Variants in RPS6KC1 observed in about 807,000 individuals in gnomAD.
The protein encoded by RPS6KC1 is inactive ribosomal protein S6 kinase delta-1.
RPS6KC1 carries 54 observed loss-of-function variants against 103.8 expected under a neutral mutation model. The observed-to-expected ratio is 0.52, with a 90% confidence interval of 0.42 to 0.65. The LOEUF (loss-of-function observed/expected upper bound fraction) is 0.65. RPS6KC1 is among the 30% of genes least tolerant of loss of function. The pLI is 0.00. For synonymous variants in RPS6KC1, 439 were observed against 438.7 expected (o/e 1.00, Z -0.01); for missense variants, 1,151 against 1,253.8 (o/e 0.92, Z 1.24).
chr1:213,754,116 C>A, the RPS6KC1 span, among the ~76,000 whole-genome samples: 138 of 152,264 alleles, frequency 9.1e-4, no homozygotes, highest in Admixed American at 1.2e-3. Context: ...GCTCAGGCTG[C>A]GGAAACAAAA....
chr1:213,530,011 C>T, the RPS6KC1 span, among the ~76,000 whole-genome samples: 178 of 145,974 alleles, frequency 1.2e-3, 2 homozygotes, highest in African/African-American at 4.2e-3. Flanking sequence ...ACAGCCCCTA[C>T]GAGAATTTTC....
chr1:213,581,207 G>A, the RPS6KC1 span, among the ~76,000 whole-genome samples: 1 of 152,006 alleles, frequency 6.6e-6, no homozygotes, highest in Non-Finnish European at 1.5e-5. Context: ...ACCAGTGACT[G>A]TAGTCCAACT....
the RPS6KC1 span, among the ~76,000 whole-genome samples, chr1:213,377,345 A>G: frequency 2.0e-5 from 3 of 152,138 alleles, no homozygotes; most frequent in Admixed American, 2.0e-4. Flanking sequence ...CTTCCCATCG[A>G]TTTGATCTTT....
the RPS6KC1 span, among the ~76,000 whole-genome samples, chr1:213,484,817 G>A: frequency 1.3e-5 from 2 of 152,146 alleles, no homozygotes; most frequent in African/African-American, 4.8e-5. Flanking sequence ...ACAGCAAATG[G>A]AGAAGTGAGC....
chr1:213,272,751 C>A lies in RPS6KC1; in HGVS notation c.*117C>A, dbSNP rs959429397. 1.4e-6 allele frequency: 1 copy of A among 694,970 alleles called. No individual in the cohort carries two copies. Among genetic ancestry groups the A allele is most frequent in the Non-Finnish European group, 2.5e-6 (1 of 397,234 alleles). The allele number at this position is 694,970 out of a possible 1,614,324, so 43.1% of individuals were successfully genotyped here. On this transcript the variant is annotated 3_prime_UTR_variant, in exon 15 of 15. Transcript: ENST00000366960. ...AGCACCAAAGCATTTGGATAAAGAC[C>A]GTTATAGGAAATGGGGGGGAAATGG...
chr1:213,198,220 G>T (rs2093026598), intron 8 of RPS6KC1, among the ~76,000 whole-genome samples: 1 of 152,108 alleles, frequency 6.6e-6, no homozygotes, highest in Admixed American at 6.5e-5. Context: ...GCTTAGTTTT[G>T]CTGGATACAG....
chr1:213,339,247 CAA>C, the RPS6KC1 span, among the ~76,000 whole-genome samples: 1 of 151,990 alleles, frequency 6.6e-6, no homozygotes, highest in Non-Finnish European at 1.5e-5. Context: ...GCCTGGGCAA[CAA>C]GAGCGAAACT....
chr1:213,613,801 A>G, the RPS6KC1 span, among the ~76,000 whole-genome samples: 2 of 152,158 alleles, frequency 1.3e-5, no homozygotes, highest in East Asian at 1.9e-4. Flanking sequence ...TCCCACCTCA[A>G]TTGCCCAGGT....
chr1:213,103,676 A>C (rs2082218023), intron 3 of RPS6KC1, among the ~76,000 whole-genome samples: 1 of 152,182 alleles, frequency 6.6e-6, no homozygotes, highest in Non-Finnish European at 1.5e-5. Context: ...AAGGCACTTA[A>C]AATGTTTATG....
chr1:213,669,127 T>A, the RPS6KC1 span, among the ~76,000 whole-genome samples: 1,831 of 152,358 alleles, frequency 0.012, 20 homozygotes, highest in South Asian at 0.029. Context: ...ACTTTTCCTT[T>A]GCATTCACAA....
chr1:213,155,964 C>A (rs1273546597), intron 6 of RPS6KC1, among the ~76,000 whole-genome samples: 1 of 152,240 alleles, frequency 6.6e-6, no homozygotes, highest in East Asian at 1.9e-4. Context: ...TAGAAAAACA[C>A]CCACCACCCA....
chr1:213,712,078 G>A, the RPS6KC1 span, among the ~76,000 whole-genome samples: 1 of 152,198 alleles, frequency 6.6e-6, no homozygotes, highest in Admixed American at 6.5e-5. Flanking sequence ...AGAGCAAGCA[G>A]GCAGGAACGT....
At chr1:213,668,507 A>C in the RPS6KC1 span, among the ~76,000 whole-genome samples, 3 of 148,362 alleles carry the variant, frequency 2.0e-5, no homozygotes, top group Admixed American at 7.0e-5. Flanking sequence ...TTGTTGTTCC[A>C]TTTTAGAGCA....
the RPS6KC1 span, among the ~76,000 whole-genome samples, chr1:213,286,648 G>A: frequency 1.3e-5 from 2 of 152,268 alleles, no homozygotes; most frequent in South Asian, 4.1e-4. Context: ...AATAATGAGA[G>A]GTAGAGTGTC....
At chr1:213,520,557 CTTTT>C in the RPS6KC1 span, among the ~76,000 whole-genome samples, 1 of 152,098 alleles carries the variant, frequency 6.6e-6, no homozygotes, top group African/African-American at 2.4e-5. Flanking sequence ...TAAAAGGGCT[CTTTT>C]CTTTCTTTCC....
At chr1:213,507,516 A>G in the RPS6KC1 span, among the ~76,000 whole-genome samples, 1 of 151,642 alleles carries the variant, frequency 6.6e-6, no homozygotes, top group Non-Finnish European at 1.5e-5. Context: ...GCATAACTTT[A>G]TACAGTCTGA....
chr1:213,275,242 G>T (rs956670997), downstream of RPS6KC1, among the ~76,000 whole-genome samples: 3 of 152,182 alleles, frequency 2.0e-5, no homozygotes, highest in African/African-American at 4.8e-5. Context: ...CATTTTGGCT[G>T]TTGTGAATAA....
At chr1:213,100,082 A>G (rs1354558065) in intron 3 of RPS6KC1, among the ~76,000 whole-genome samples, 2 of 152,178 alleles carry the variant, frequency 1.3e-5, no homozygotes, top group Non-Finnish European at 2.9e-5. Flanking sequence ...CCCATCAACA[A>G]TGTATGAAAT....
chr1:213,862,164 C>G, the RPS6KC1 span, among the ~76,000 whole-genome samples: 1 of 152,132 alleles, frequency 6.6e-6, no homozygotes. Flanking sequence ...GCACATGCTA[C>G]GTAGTCCTAA....
Sources: gnomAD v4.1 joint callset for allele counts (sites outside exome capture counted in the v4.1 genomes callset) on GRCh38, gnomAD v4.1.1 for gene constraint, MANE v1.5 for transcripts, NCBI Gene and HGNC (gene_info 2026-07-23, HGNC 2026-07-21) for gene names.